Variants in VAC14 observed in about 807,000 individuals in gnomAD.
The protein encoded by VAC14 is protein VAC14 homolog.
VAC14 carries 47 observed loss-of-function variants against 85.3 expected under a neutral mutation model. The observed-to-expected ratio is 0.55, with a 90% confidence interval of 0.44 to 0.70. The LOEUF (loss-of-function observed/expected upper bound fraction) is 0.70, where lower values mean the gene tolerates loss of function less well. Ranked by LOEUF, VAC14 falls within the 30% of genes least tolerant of loss-of-function variation. The pLI is 0.00. For synonymous variants in VAC14, 447 were observed against 430.5 expected (o/e 1.04, Z -0.47); for missense variants, 861 against 1,004.3 (o/e 0.86, Z 1.93).
At chr16:70,798,883 G>A (rs2034654357) in intron 1 of VAC14, among the ~76,000 whole-genome samples, 2 of 152,130 alleles carry the variant, frequency 1.3e-5, no homozygotes, top group African/African-American at 4.8e-5. Flanking sequence ...AGTGCTGCCA[G>A]GCTAAGTGCT....
At chr16:70,730,280 A>C (rs188892788) in intron 14 of VAC14, among the ~76,000 whole-genome samples, 17 of 152,098 alleles carry the variant, frequency 1.1e-4, no homozygotes, top group African/African-American at 3.9e-4. Flanking sequence ...TTGTCTTTCA[A>C]GCCAGAAATC....
At chr16:70,755,480 C>A (rs1205949682) in intron 12 of VAC14, among the ~76,000 whole-genome samples, 1 of 152,218 alleles carries the variant, frequency 6.6e-6, no homozygotes, top group African/African-American at 2.4e-5. Flanking sequence ...TTTAGATGCT[C>A]TGGAATCAGA....
At chr16:70,793,643 GTCCTAGGTGGCA>G (rs2034429449) in intron 1 of VAC14, among the ~76,000 whole-genome samples, 1 of 152,158 alleles carries the variant, frequency 6.6e-6, no homozygotes, top group African/African-American at 2.4e-5. Context: ...CCCAACCTCT[GTCCTAGGTGGCA>G]GAGGTTTTAG....
chr16:70,732,452 G>A (rs1175772074), intron 13 of VAC14, among the ~76,000 whole-genome samples: 1 of 152,052 alleles, frequency 6.6e-6, no homozygotes, highest in Non-Finnish European at 1.5e-5. Flanking sequence ...ACGCCCCTTG[G>A]TAAAGTACCC....
chr16:70,728,350 C>G (rs1283506025), intron 14 of VAC14, among the ~76,000 whole-genome samples: 1 of 152,192 alleles, frequency 6.6e-6, no homozygotes, highest in African/African-American at 2.4e-5. Context: ...CACTCCCACA[C>G]AGAAGGGACA....
At chr16:70,756,067 G>A (rs780866514) in intron 12 of VAC14, 1 of 456,828 alleles carries the variant, frequency 2.2e-6, no homozygotes, top group Non-Finnish European at 4.4e-6. Flanking sequence ...ACGGTGACAA[G>A]GACTGCTTGG....
In VAC14 at chr16:70,687,482, G is replaced by A. The variant is rs897792309; in HGVS notation, c.*446C>T. 3.9e-5 allele frequency: 6 copies of A among 153,610 alleles called. No individual in the cohort carries two copies. Among genetic ancestry groups the A allele is most frequent in the Middle Eastern group, 3.0e-3 (1 of 328 alleles). The allele number at this position is 153,610 out of a possible 1,614,324, so 9.5% of individuals were successfully genotyped here. A position where few individuals can be genotyped will look rare whatever the true frequency, so the allele number is the denominator to read the frequency against. On this transcript the variant is annotated 3_prime_UTR_variant, in exon 19 of 19. Transcript: ENST00000261776. ...TTCTTTATTGGGGTGGGGGTGGGGT[G>A]CATCATTCAGATCTTTGTGCTGGTG...
At chr16:70,764,519 G>T (rs1425411531) in intron 10 of VAC14, among the ~76,000 whole-genome samples, 1 of 152,148 alleles carries the variant, frequency 6.6e-6, no homozygotes. Context: ...TTTCTCTCAA[G>T]TCCACTGTCC....
At chr16:70,688,225 A>G in intron 18 of VAC14, 135 bp from the exon 19 acceptor site, 1 of 1,309,920 alleles carries the variant, frequency 7.6e-7, no homozygotes, top group Non-Finnish European at 9.8e-7. Context: ...AGGCCTGGCA[A>G]CTCTTCCGTC....
intron 14 of VAC14, among the ~76,000 whole-genome samples, chr16:70,703,131 G>C (rs903095709): frequency 1.6e-4 from 24 of 152,252 alleles, no homozygotes; most frequent in Admixed American, 3.9e-4. Context: ...CTGCCTTGCA[G>C]GGCTGCTGCA....
chr16:70,716,805 A>G (rs2054176690), intron 14 of VAC14: 1 of 152,306 alleles, frequency 6.6e-6, no homozygotes, highest in African/African-American at 2.4e-5. Flanking sequence ...TGTTGGCGGA[A>G]GGAGGCCACA....
chr16:70,691,355 C>T lies in VAC14; in HGVS notation c.2186+1466G>A, dbSNP rs1043218858. The T allele has an allele frequency of 2.1e-4, 204 of 985,340 alleles. 1 individual carries two copies. The highest frequency in any genetic ancestry group is 2.3e-4 in the Non-Finnish European group (193 of 829,944). The allele number at this position is 985,340 out of a possible 1,614,324, so 61.0% of individuals were successfully genotyped here. ...GCCCTTCCTGCCTCCTCCCTGCTTC[C>T]GGCTGCACCTTCCCCTCCTGGGTGC... On this transcript the variant is annotated intron_variant, in intron 18 of 18. Transcript: ENST00000261776.
chr16:70,759,397 C>T (rs940934676), intron 12 of VAC14, among the ~76,000 whole-genome samples: 1 of 152,170 alleles, frequency 6.6e-6, no homozygotes, highest in African/African-American at 2.4e-5. Context: ...GAGGCCAAGG[C>T]AGGCAGATCA....
At chr16:70,755,864 C>A (rs964638073) in intron 12 of VAC14, 1 of 371,464 alleles carries the variant, frequency 2.7e-6, no homozygotes, top group Non-Finnish European at 5.3e-6. Context: ...CTTTGGGGGA[C>A]GGGAGAGAGC....
chr16:70,786,193 GTCCCTT>G lies in VAC14; in HGVS notation c.255+16_255+21del. ...CGTCAAGGCCAGGACTGGTATGTCT[GTCCCTT>G]GGGTGAAAGGCCCACCTTGCCCAGT... On this transcript the variant is annotated intron_variant, in intron 2 of 18. Transcript: ENST00000261776. The G allele has an allele frequency of 6.2e-7, 1 of 1,612,160 alleles. No individual in the cohort carries two copies. Among genetic ancestry groups the G allele is most frequent in the Non-Finnish European group, 8.5e-7 (1 of 1,178,950 alleles).
intron 12 of VAC14, among the ~76,000 whole-genome samples, chr16:70,753,480 T>G (rs2031569601): frequency 6.6e-6 from 1 of 152,150 alleles, no homozygotes; most frequent in Admixed American, 6.5e-5. Flanking sequence ...GCAGGAACGC[T>G]AAGTGGGGTG....
chr16:70,709,788 C>T (rs1371926512), intron 14 of VAC14, among the ~76,000 whole-genome samples: 2 of 152,172 alleles, frequency 1.3e-5, no homozygotes, highest in Non-Finnish European at 2.9e-5. Flanking sequence ...ATAAAGATTC[C>T]TGGTGCCCAG....
At chr16:70,795,052 C>T (rs1441923648) in intron 1 of VAC14, among the ~76,000 whole-genome samples, 1 of 152,196 alleles carries the variant, frequency 6.6e-6, no homozygotes, top group African/African-American at 2.4e-5. Context: ...GGTTTGTAGA[C>T]TAGGGACAAT....
intron 10 of VAC14, chr16:70,771,861 A>C (rs2033246091): frequency 2.1e-6 from 1 of 485,628 alleles, no homozygotes; most frequent in African/African-American, 2.0e-5. Context: ...GATTAGAGGC[A>C]TAAGCCACCA....
Sources: gnomAD v4.1 joint callset for allele counts (sites outside exome capture counted in the v4.1 genomes callset) on GRCh38, gnomAD v4.1.1 for gene constraint, MANE v1.5 for transcripts, NCBI Gene and HGNC (gene_info 2026-07-23, HGNC 2026-07-21) for gene names.